Variants in ZNF292 observed in about 807,000 individuals in gnomAD.
ZNF292 encodes zinc finger protein 292.
ZNF292 carries 26 observed loss-of-function variants against 217.9 expected under a neutral mutation model. The ratio of observed to expected loss-of-function variants is 0.12; its 90% CI spans 0.09 to 0.17. ZNF292 has a LOEUF of 0.17. Among genes scored for constraint, ZNF292 ranks in the 10% least tolerant of loss-of-function variants. The pLI, the probability that ZNF292 is intolerant of heterozygous loss-of-function variation, is 1.00. For synonymous variants in ZNF292, 1,257 were observed against 1,124.1 expected, an observed-to-expected ratio of 1.12 and a Z score of -2.37; for missense variants, 2,904 against 3,175.2, an observed-to-expected ratio of 0.91 and a Z score of 2.05.
At chr6:87,233,692 T>C (rs1244117593) in intron 5 of ZNF292, 165 bp downstream of exon 5, 2 of 969,032 alleles carry the variant, frequency 2.1e-6, no homozygotes, top group African/African-American at 3.5e-5. Context: ...AAGTAGCTTT[T>C]AGAATTATAT....
chr6:87,236,391 T>G (rs368818259), intron 5 of ZNF292, among the ~76,000 whole-genome samples: 174 of 121,484 alleles, frequency 1.4e-3, no homozygotes, highest in African/African-American at 4.6e-3. Flanking sequence ...CATAGGTTGT[T>G]TTTTTTTTTT....
chr6:87,188,412 C>T (rs1312256253), intron 1 of ZNF292, among the ~76,000 whole-genome samples: 1 of 152,050 alleles, frequency 6.6e-6, no homozygotes, highest in Non-Finnish European at 1.5e-5. Context: ...GTCTTCCTGG[C>T]CTTATATTTC....
At chr6:87,233,987 T>C (rs1773778176) in intron 5 of ZNF292, among the ~76,000 whole-genome samples, 1 of 152,210 alleles carries the variant, frequency 6.6e-6, no homozygotes, top group Non-Finnish European at 1.5e-5. Flanking sequence ...ATATATCATT[T>C]TGAGTACGTA....
At chr6:87,207,251 T>C (rs560274715) in intron 1 of ZNF292, among the ~76,000 whole-genome samples, 71 of 152,332 alleles carry the variant, frequency 4.7e-4, no homozygotes, top group Non-Finnish European at 8.8e-4. Flanking sequence ...TGTGTATATA[T>C]GTACTTTTTT....
intron 1 of ZNF292, among the ~76,000 whole-genome samples, chr6:87,188,862 A>G (rs1771741208): frequency 6.6e-6 from 1 of 152,042 alleles, no homozygotes; most frequent in Non-Finnish European, 1.5e-5. Flanking sequence ...TACAATGCAG[A>G]TAAATTATTA....
At chr6:87,194,387 G>A (rs1055045037) in intron 1 of ZNF292, among the ~76,000 whole-genome samples, 1 of 151,970 alleles carries the variant, frequency 6.6e-6, no homozygotes, top group Non-Finnish European at 1.5e-5. Context: ...AATTAATGAA[G>A]CAGAAATAAA....
chr6:87,216,645 C>T (rs1424685994), intron 3 of ZNF292, among the ~76,000 whole-genome samples: 2 of 151,976 alleles, frequency 1.3e-5, no homozygotes, highest in Non-Finnish European at 2.9e-5. Flanking sequence ...AAAGTGCCCT[C>T]ATTTGGATTT....
At position 87,260,088 on chromosome 6, in the gene ZNF292, A is replaced by C; in HGVS notation, c.6459A>C (p.Glu2153Asp). 6.2e-7 allele frequency: 1 copy of C among 1,613,598 alleles called. No homozygotes were observed. The highest frequency in any genetic ancestry group is 8.5e-7 in the Non-Finnish European group (1 of 1,179,634). Residue 2153 changes from glutamate (E) to aspartate (D), a missense_variant, in exon 8 of 8, where the codon GAA becomes GAC. Glu to Asp is a conservative substitution (Grantham distance 45). Coordinates refer to ENST00000369577, the MANE Select transcript of ZNF292 (RefSeq NM_015021.3). ...LPAFSAEVEE[E>D]SEAGKESEET... Reference sequence around the variant, plus strand: ...CATTTTCAGCAGAGGTCGAAGAGGAAAGTGAAGCTGGTAAAGAAAGTGAAG... The same window carrying C: ...CATTTTCAGCAGAGGTCGAAGAGGACAGTGAAGCTGGTAAAGAAAGTGAAG...
chr6:87,179,540 A>G (rs1771404743), intron 1 of ZNF292, among the ~76,000 whole-genome samples: 1 of 152,156 alleles, frequency 6.6e-6, no homozygotes, highest in South Asian at 2.1e-4. Context: ...GTGGTCTTCA[A>G]ATTTTTTAAT....
chr6:87,183,813 G>A (rs1270067092), intron 1 of ZNF292, among the ~76,000 whole-genome samples: 1 of 152,152 alleles, frequency 6.6e-6, no homozygotes, highest in East Asian at 1.9e-4. Context: ...ATATCACTAT[G>A]GTTGGTAATT....
intron 4 of ZNF292, among the ~76,000 whole-genome samples, chr6:87,231,134 A>T (rs1773632761): frequency 1.3e-5 from 2 of 152,140 alleles, no homozygotes; most frequent in Non-Finnish European, 2.9e-5. Context: ...TGGGAAAAAA[A>T]AGTAGTGAAG....
At chr6:87,160,186 A>G (rs1411122609) in intron 1 of ZNF292, among the ~76,000 whole-genome samples, 9 of 152,212 alleles carry the variant, frequency 5.9e-5, no homozygotes, top group East Asian at 1.9e-4. Context: ...TATATATTTT[A>G]TCACTGAGGT....
chr6:87,251,907 A>G (rs979077838), intron 7 of ZNF292, among the ~76,000 whole-genome samples: 13 of 152,228 alleles, frequency 8.5e-5, no homozygotes, highest in Non-Finnish European at 1.3e-4. Flanking sequence ...ATGAATCAAA[A>G]TGAACCTTTG....
intron 4 of ZNF292, chr6:87,223,049 G>GTTTTGAGGT (rs1299903156): frequency 1.0e-5 from 2 of 190,974 alleles, no homozygotes; most frequent in African/African-American, 4.6e-5. Context: ...ACTTATCACT[G>GTTTTGAGGT]TTTTGAGGTT....
rs184748434 is a variant in ZNF292, at chr6:87,256,222, A to T, written c.2593A>T (p.Ile865Phe). Reference sequence around the variant, plus strand: ...AGTGAATCAGAACACAGCAGAGAATATTGAGAAAGAAAGATCTATGCTTCC... The same window carrying T: ...AGTGAATCAGAACACAGCAGAGAATTTTGAGAAAGAAAGATCTATGCTTCC... ...SEVNQNTAEN[I>F]EKERSMLPSE... Residue 865 changes from isoleucine to phenylalanine, a missense_variant, in exon 8 of 8, where the codon ATT becomes TTT. Around this residue, in one of 15 missense-constraint regions of ZNF292, gnomAD observed 687 missense variants for 623.0 expected, o/e 1.10. Coordinates refer to ENST00000369577, the MANE Select transcript of ZNF292 (RefSeq NM_015021.3). The T allele has an allele frequency of 8.1e-6, 13 of 1,613,778 alleles. No homozygotes were observed. In the African/African-American group the frequency reaches 1.6e-4, roughly 20 times the overall value.
intron 5 of ZNF292, among the ~76,000 whole-genome samples, chr6:87,235,130 A>G (rs1227461893): frequency 2.0e-5 from 3 of 152,044 alleles, no homozygotes; most frequent in Non-Finnish European, 2.9e-5. Flanking sequence ...TTTAATTGCT[A>G]TTATATATGA....
At chr6:87,180,591 G>A (rs1771443997) in intron 1 of ZNF292, among the ~76,000 whole-genome samples, 1 of 152,172 alleles carries the variant, frequency 6.6e-6, no homozygotes, top group East Asian at 1.9e-4. Context: ...TTACACTCAG[G>A]AGGGCTTTCC....
intron 1 of ZNF292, among the ~76,000 whole-genome samples, chr6:87,163,981 T>C (rs895663159): frequency 6.6e-6 from 1 of 152,212 alleles, no homozygotes; most frequent in Non-Finnish European, 1.5e-5. Flanking sequence ...CCTTCTGAGT[T>C]TGAGGCATTG....
At position 87,206,199 on chromosome 6, in the gene ZNF292, A is replaced by G. The variant is rs1772247929; in HGVS notation, c.169-9704A>G. ...GCTGTCCTACTATCACTTCTGCCCC[A>G]TTCTCTTGGTCAGAACAGGTCACAT... is the stretch of plus-strand genomic sequence containing the variant. On this transcript the variant is annotated intron_variant, in intron 1 of 7. Transcript: ENST00000369577. Among the ~76,000 whole-genome samples the G allele has an allele frequency of 2.6e-5, 4 of 152,174 alleles. No homozygotes were observed. The South Asian group carries it at 8.3e-4, about 32-fold the overall frequency.
Sources: allele counts gnomAD v4.1 joint callset (sites outside exome capture counted in the v4.1 genomes callset), GRCh38; gene constraint gnomAD v4.1.1; regional missense constraint gnomAD v4.1.1; transcripts MANE v1.5; gene names NCBI Gene and HGNC (gene_info 2026-07-23, HGNC 2026-07-21).